Variants in RBFOX1 observed in about 807,000 individuals in gnomAD.
The protein encoded by RBFOX1 is RNA binding fox-1 homolog 1, also known as RNA binding protein fox-1 homolog 1.
Under a neutral mutation model 57.7 loss-of-function variants are expected in RBFOX1, and 8 were observed. The observed-to-expected ratio is 0.14, with a 90% CI of 0.08 to 0.25. RBFOX1 has a LOEUF of 0.25. Among genes scored for constraint, RBFOX1 ranks in the 10% least tolerant of loss-of-function variants. The pLI, the probability that RBFOX1 is intolerant of heterozygous loss-of-function variation, is 1.00. For synonymous variants in RBFOX1, 326 were observed against 222.4 expected, an observed-to-expected ratio of 1.47 and a Z score of -4.15; for missense variants, 611 against 548.5, an observed-to-expected ratio of 1.11 and a Z score of -1.14.
chr16:6,432,601 G>A (rs2094130408), intron 2 of RBFOX1, among the ~76,000 whole-genome samples: 1 of 152,026 alleles, frequency 6.6e-6, no homozygotes, highest in African/African-American at 2.4e-5. Flanking sequence ...AGAATTGCCT[G>A]AACCCAGGAG....
chr16:7,238,763 A>G (rs1001226147), intron 4 of RBFOX1, among the ~76,000 whole-genome samples: 1 of 152,068 alleles, frequency 6.6e-6, no homozygotes, highest in Non-Finnish European at 1.5e-5. Flanking sequence ...AGTACCCATT[A>G]CTTGTTTCTC....
chr16:7,379,050 A>G (rs1010923397), intron 4 of RBFOX1, among the ~76,000 whole-genome samples: 2 of 152,238 alleles, frequency 1.3e-5, no homozygotes, highest in African/African-American at 4.8e-5. Flanking sequence ...CAATATTAAC[A>G]GTACTTATCT....
At chr16:7,022,255 G>A (rs897322696) in intron 3 of RBFOX1, among the ~76,000 whole-genome samples, 3 of 150,938 alleles carry the variant, frequency 2.0e-5, no homozygotes, top group Admixed American at 2.0e-4. Flanking sequence ...ATTTCACCAT[G>A]TTGGCCAGGT....
chr16:5,705,919 C>G (rs1304916241), intron 3 of RBFOX1, among the ~76,000 whole-genome samples: 1 of 151,832 alleles, frequency 6.6e-6, no homozygotes, highest in Non-Finnish European at 1.5e-5. Flanking sequence ...TTTTTTCTGT[C>G]TTTTTTATTG....
Position 5,258,825 on chromosome 16 carries a change from A to G in RBFOX1, c.219+18720A>G, listed in dbSNP as rs147985661. ...CACCTACTCGGGAGGCTGAGGCAGG[A>G]GAATCTCTTGAAGCCGGGAGGTGGA... On this transcript the variant is annotated intron_variant, in intron 1 of 2. Coordinates refer to the RBFOX1 transcript ENST00000585867. Among the ~76,000 whole-genome samples the G allele has an allele frequency of 6.1e-3, 926 of 152,208 alleles. 7 individuals carry two copies. Among genetic ancestry groups the G allele is most frequent in the African/African-American group, 0.021 (866 of 41,532 alleles).
At chr16:5,940,855 G>T (rs1302603834) in intron 4 of RBFOX1, among the ~76,000 whole-genome samples, 1 of 152,160 alleles carries the variant, frequency 6.6e-6, no homozygotes, top group Non-Finnish European at 1.5e-5. Context: ...TGGCTGGGTG[G>T]GGGTTCCAAC....
At chr16:6,337,223 C>A (rs2083888211) in intron 2 of RBFOX1, among the ~76,000 whole-genome samples, 1 of 152,136 alleles carries the variant, frequency 6.6e-6, no homozygotes, top group Admixed American at 6.5e-5. Flanking sequence ...CCCCAAAACA[C>A]CAAAGAAGGA....
chr16:5,349,614 A>G (rs1358429806), intron 1 of RBFOX1, among the ~76,000 whole-genome samples: 1 of 1,044 alleles, frequency 9.6e-4, no homozygotes, highest in Non-Finnish European at 0.021. Flanking sequence ...CGGAGGTTTC[A>G]GTGAGCCAGA....
chr16:5,860,322 G>A (rs1466141086), intron 3 of RBFOX1, among the ~76,000 whole-genome samples: 2 of 152,052 alleles, frequency 1.3e-5, no homozygotes, highest in African/African-American at 4.8e-5. Context: ...TGATCCACCC[G>A]CCTCCACCTC....
At chr16:5,783,609 C>A (rs1243507255) in intron 3 of RBFOX1, among the ~76,000 whole-genome samples, 1 of 152,178 alleles carries the variant, frequency 6.6e-6, no homozygotes, top group Non-Finnish European at 1.5e-5. Context: ...TAATTGTTTT[C>A]AGACTTTACA....
intron 4 of RBFOX1, among the ~76,000 whole-genome samples, chr16:7,432,137 T>C (rs2098686982): frequency 6.6e-6 from 1 of 152,180 alleles, no homozygotes; most frequent in African/African-American, 2.4e-5. Flanking sequence ...ATCCAACTCA[T>C]TGTCAGGTCA....
chr16:7,094,585 C>G (rs2061379574), intron 4 of RBFOX1, among the ~76,000 whole-genome samples: 1 of 151,414 alleles, frequency 6.6e-6, no homozygotes, highest in Non-Finnish European at 1.5e-5. Context: ...TTGGGAAACA[C>G]TCTTTGTTCC....
intron 1 of RBFOX1, among the ~76,000 whole-genome samples, chr16:6,234,031 GC>G (rs2097486271): frequency 1.3e-5 from 2 of 152,158 alleles, no homozygotes; most frequent in Non-Finnish European, 2.9e-5. Flanking sequence ...GGGGAAGAAT[GC>G]CGTGTCCTCA....
At chr16:5,637,560 A>G (rs1271566251) in intron 3 of RBFOX1, among the ~76,000 whole-genome samples, 1 of 152,224 alleles carries the variant, frequency 6.6e-6, no homozygotes, top group Non-Finnish European at 1.5e-5. Flanking sequence ...ATCCTCAATA[A>G]ATCTAGTTTT....
chr16:5,381,896 C>A (rs896519206), intron 1 of RBFOX1, among the ~76,000 whole-genome samples: 1 of 152,226 alleles, frequency 6.6e-6, no homozygotes, highest in Admixed American at 6.5e-5. Flanking sequence ...AGTCTTGGCG[C>A]TATTGACATT....
chr16:6,632,181 A>C (rs571685915), intron 2 of RBFOX1, among the ~76,000 whole-genome samples: 110 of 152,186 alleles, frequency 7.2e-4, no homozygotes, highest in African/African-American at 2.6e-3. Flanking sequence ...CCTTGAAGAC[A>C]CTTAACTGCA....
intron 1 of RBFOX1, among the ~76,000 whole-genome samples, chr16:5,304,316 A>G (rs1173617827): frequency 6.6e-6 from 1 of 152,234 alleles, no homozygotes; most frequent in Non-Finnish European, 1.5e-5. Context: ...ACATTAAATC[A>G]GGAGGCTCCT....
At chr16:6,302,672 T>A (rs1403792121) in intron 1 of RBFOX1, among the ~76,000 whole-genome samples, 2 of 152,142 alleles carry the variant, frequency 1.3e-5, no homozygotes, top group Non-Finnish European at 2.9e-5. Context: ...TCTGTTGCAA[T>A]TAAAAAGAAA....
intron 1 of RBFOX1, among the ~76,000 whole-genome samples, chr16:6,307,543 TAA>T (rs55896425): frequency 0.27 from 39,981 of 148,490 alleles, 5,369 homozygotes; most frequent in East Asian, 0.32. Context: ...TTTAATATAT[TAA>T]GTCATTATAT....
Sources: allele counts gnomAD v4.1 joint callset (sites outside exome capture counted in the v4.1 genomes callset), GRCh38; gene constraint gnomAD v4.1.1; transcripts MANE v1.5; gene names NCBI Gene and HGNC (gene_info 2026-07-23, HGNC 2026-07-21).